Variants in SLFN11 observed in about 807,000 individuals in gnomAD.
SLFN11 encodes schlafen family member 11.
A neutral mutation model predicts 53.4 loss-of-function variants in SLFN11; 43 were observed. That is an observed-to-expected ratio of 0.80 (90% CI 0.63 to 1.04). The LOEUF (loss-of-function observed/expected upper bound fraction) is 1.04. SLFN11 is among the 50% of genes least tolerant of loss of function. The probability of loss-of-function intolerance (pLI) is 0.00; values close to 1 mark genes in which losing one functional copy is unlikely to be tolerated. For missense variants in SLFN11, 990 were observed against 1,079.1 expected, an observed-to-expected ratio of 0.92 and a Z score of 1.16; for synonymous variants, 389 against 394.7, an observed-to-expected ratio of 0.99 and a Z score of 0.17.
intron 5 of SLFN11, among the ~76,000 whole-genome samples, chr17:35,356,401 A>G (rs1907473654): frequency 6.6e-6 from 1 of 151,964 alleles, no homozygotes; most frequent in African/African-American, 2.4e-5. Context: ...CAAATACCCA[A>G]ACACTCCTAC....
At chr17:35,371,825 C>T (rs979569512) in intron 1 of SLFN11, among the ~76,000 whole-genome samples, 6 of 151,988 alleles carry the variant, frequency 3.9e-5, no homozygotes, top group African/African-American at 1.2e-4. Flanking sequence ...CAATAACAAA[C>T]GCTGGCAAGG....
At position 35,352,274 on chromosome 17, in the gene SLFN11, T is replaced by G; in HGVS notation, c.*82A>C. The G allele has an allele frequency of 6.6e-7, 1 of 1,522,108 alleles. No individual in the cohort carries two copies. Among genetic ancestry groups the G allele is most frequent in the Non-Finnish European group, 8.9e-7 (1 of 1,120,660 alleles). The allele number at this position is 1,522,108 out of a possible 1,614,324, so 94.3% of individuals were successfully genotyped here. ...GTCAGCTCCGTCCAAATCTCTGACT[T>G]GTGAACTAAAAAGAAAGGTTTCTAC... is the stretch of plus-strand genomic sequence containing the variant. On this transcript the variant is annotated 3_prime_UTR_variant, in exon 7 of 7. Coordinates refer to ENST00000685675, the MANE Select transcript of SLFN11 (RefSeq NM_001376007.1).
chr17:35,361,908 C>T (rs1012985411), intron 4 of SLFN11, among the ~76,000 whole-genome samples: 13 of 151,946 alleles, frequency 8.6e-5, no homozygotes, highest in Non-Finnish European at 1.8e-4. Context: ...CCACGTCTGA[C>T]TAATTTTTCT....
rs1174437755 is a variant in SLFN11 at position 35,352,902 on chromosome 17, G to T, written c.2160C>A (p.Asp720Glu). The T allele has an allele frequency of 1.2e-6, 2 of 1,614,034 alleles. No homozygotes were observed. The highest frequency in any genetic ancestry group is 4.5e-5 in the East Asian group (2 of 44,896). The change falls in exon 7 of 7, where the codon GAC becomes GAA. Residue 720 changes from aspartate (D) to glutamate (E), a missense_variant. This residue lies in a region of SLFN11 where 313 missense variants were observed against 320.9 expected (regional missense o/e 0.98). Transcript: ENST00000685675. ...TGGTGAGCTCTTCTCTTGGATATTG[G>T]TCTGAGAGAGGAGGGAGGCCACTGC... ...LDCSGLPPLS[D>E]QYPREELTRI...
chr17:35,362,724 C>CT lies in SLFN11; in HGVS notation c.1069+14dup. Reference sequence around the variant, plus strand: ...TGTAGAAAGGACAGGGAGGGAGGAGCTTTCTCCCTCTTACCTGGATCTGTG... The same window carrying CT: ...TGTAGAAAGGACAGGGAGGGAGGAGCTTTTCTCCCTCTTACCTGGATCTGTG... On this transcript the variant is annotated intron_variant, in intron 4 of 6. Coordinates refer to ENST00000685675, the MANE Select transcript of SLFN11 (RefSeq NM_001376007.1). 1 of 1,519,132 alleles carries CT rather than the reference C, an allele frequency of 6.6e-7. No individual in the cohort carries two copies. The highest frequency in any genetic ancestry group is 8.8e-7 in the Non-Finnish European group (1 of 1,132,654). The allele number at this position is 1,519,132 out of a possible 1,614,324, so 94.1% of individuals were successfully genotyped here.
chr17:35,354,948 A>T (rs534595870), intron 5 of SLFN11, among the ~76,000 whole-genome samples: 1 of 152,060 alleles, frequency 6.6e-6, no homozygotes, highest in African/African-American at 2.4e-5. Flanking sequence ...TGCTCACACG[A>T]CTTGATTATC....
At chr17:35,355,000 G>A (rs1309442470) in intron 5 of SLFN11, among the ~76,000 whole-genome samples, 1 of 152,068 alleles carries the variant, frequency 6.6e-6, no homozygotes, top group Non-Finnish European at 1.5e-5. Flanking sequence ...TCTATTATGA[G>A]ACACATCCAG....
In SLFN11 at chr17:35,363,055, A is replaced by C. The variant is rs1480662877; in HGVS notation, c.753T>G (p.Asp251Glu). 2 of 1,613,884 alleles carry C rather than the reference A, an allele frequency of 1.2e-6. No individual in the cohort carries two copies. Among genetic ancestry groups the C allele is most frequent in the Non-Finnish European group, 1.7e-6 (2 of 1,179,978 alleles). Residue 251 changes from aspartate (D) to glutamate (E), a missense_variant, in exon 4 of 7, where the codon GAT becomes GAG. Coordinates refer to ENST00000685675, the MANE Select transcript of SLFN11 (RefSeq NM_001376007.1). ...TGGGYLFIGV[D>E]DKSREVLGCA... ...ATCCCAGGACTTCCCTACTCTTATC[A>C]TCCACTCCAATAAAAAGATAGCCTC...
At chr17:35,361,896 C>T (rs1167745568) in intron 4 of SLFN11, among the ~76,000 whole-genome samples, 1 of 151,948 alleles carries the variant, frequency 6.6e-6, no homozygotes, top group East Asian at 1.9e-4. Flanking sequence ...AGGCACGCAC[C>T]ACCACGTCTG....
At chr17:35,369,947 T>G (rs1265457783) in intron 1 of SLFN11, among the ~76,000 whole-genome samples, 3 of 152,068 alleles carry the variant, frequency 2.0e-5, no homozygotes, top group Admixed American at 6.6e-5. Flanking sequence ...AAAGAAGAAC[T>G]AATATCAATC....
chr17:35,368,484 T>C (rs1172108871), intron 1 of SLFN11, among the ~76,000 whole-genome samples: 1 of 152,114 alleles, frequency 6.6e-6, no homozygotes, highest in Non-Finnish European at 1.5e-5. Flanking sequence ...ATCCCAGCAG[T>C]TGAAACCTGA....
Position 35,363,369 on chromosome 17 carries a change from C to T in SLFN11, c.439G>A (p.Glu147Lys). Residue 147 changes from glutamate to lysine, a missense_variant, in exon 4 of 7, where the codon GAG becomes AAG. Transcript: ENST00000685675. ...TTGGTCTTCAGGAAACAGAATGCCT[C>T]TCTTGAGTCCATGGAACGCACAGAG... is the stretch of plus-strand genomic sequence containing the variant. Reference protein sequence around the residue: ...ETSVRSMDSREAFCFLKTKRK... With the variant: ...ETSVRSMDSRKAFCFLKTKRK... 1 of 1,614,048 alleles carries T rather than the reference C, an allele frequency of 6.2e-7. No homozygotes were observed. Among genetic ancestry groups the T allele is most frequent in the Non-Finnish European group, 8.5e-7 (1 of 1,180,008 alleles).
rs755044529 is a variant in SLFN11, at chr17:35,350,312, C to A, written c.*2044G>T. 2 of 151,850 alleles carry A rather than the reference C, an allele frequency of 1.3e-5. No individual in the cohort carries two copies. Among genetic ancestry groups the A allele is most frequent in the Non-Finnish European group, 2.9e-5 (2 of 67,960 alleles). 9.4% of individuals were successfully genotyped at this position (151,850 alleles called of 1,614,324 possible). A position where few individuals can be genotyped will look rare whatever the true frequency, so the allele number is the denominator to read the frequency against. On this transcript the variant is annotated 3_prime_UTR_variant, in exon 7 of 7. Coordinates refer to ENST00000685675, the MANE Select transcript of SLFN11 (RefSeq NM_001376007.1). ...ACTTATTTTACAAGACCATTTTTTT[C>A]AGTTTAATGAGACACAAACTCTCAA...
chr17:35,372,994 GT>G (rs781151459), intron 1 of SLFN11, among the ~76,000 whole-genome samples: 1 of 152,036 alleles, frequency 6.6e-6, no homozygotes, highest in African/African-American at 2.4e-5. Context: ...CTGCCTTTTA[GT>G]TTCTATATTA....
intron 5 of SLFN11, among the ~76,000 whole-genome samples, chr17:35,355,602 G>C (rs1220139403): frequency 1.3e-5 from 2 of 152,044 alleles, no homozygotes; most frequent in Admixed American, 6.5e-5. Context: ...TCATTGCATA[G>C]GTCTTCTTTT....
intron 5 of SLFN11, among the ~76,000 whole-genome samples, chr17:35,357,854 A>T (rs962854798): frequency 6.9e-6 from 1 of 145,508 alleles, no homozygotes; most frequent in African/African-American, 2.5e-5. Context: ...ATATATAATT[A>T]TTTATATAAT....
chr17:35,371,153 C>A (rs1321036762), intron 1 of SLFN11, among the ~76,000 whole-genome samples: 1 of 152,014 alleles, frequency 6.6e-6, no homozygotes, highest in Non-Finnish European at 1.5e-5. Context: ...ATAGAGAACC[C>A]AGACACAAAT....
chr17:35,352,838 G>A lies in SLFN11; in HGVS notation c.2224C>T (p.Gln742Ter), dbSNP rs752624807. Reference protein sequence around the residue: ...RNADPIAKYLQKEMQVIRSNP... With the variant: ...RNADPIAKYL ...CTTCTAATTACTTGCATTTCTTTTT[G>A]TAAGTACTTGGCTATTGGATCTGCA... The change falls in exon 7 of 7, where the codon CAA becomes TAA. Residue 742 changes from glutamine to a stop codon, truncating the protein, a stop_gained. Coordinates refer to ENST00000685675, the MANE Select transcript of SLFN11 (RefSeq NM_001376007.1). LOFTEE classifies it low-confidence loss of function (END_TRUNC). 2.8e-5 allele frequency: 45 copies of A among 1,614,192 alleles called. 1 individual carries two copies. The South Asian group carries it at 4.6e-4, about 17-fold the overall frequency.
chr17:35,372,357 T>C (rs988215908), intron 1 of SLFN11, among the ~76,000 whole-genome samples: 1 of 151,816 alleles, frequency 6.6e-6, no homozygotes, highest in South Asian at 2.1e-4. Flanking sequence ...AGTTAATGGG[T>C]ACAAAAAAAT....
Sources: allele counts gnomAD v4.1 joint callset (sites outside exome capture counted in the v4.1 genomes callset), GRCh38; gene constraint gnomAD v4.1.1; regional missense constraint gnomAD v4.1.1; transcripts MANE v1.5; gene names NCBI Gene and HGNC (gene_info 2026-07-23, HGNC 2026-07-21).